Variants in TMEM117 observed in about 807,000 individuals in gnomAD.
TMEM117 encodes transmembrane protein 117.
In TMEM117, 27 loss-of-function variants were observed where a neutral mutation model predicts 52.4. The observed-to-expected ratio is 0.51, with a 90% CI of 0.38 to 0.71. TMEM117 has a LOEUF of 0.71. Among genes scored for constraint, TMEM117 ranks in the 30% least tolerant of loss-of-function variants. The pLI, the probability that TMEM117 is intolerant of heterozygous loss-of-function variation, is 0.00. For missense variants in TMEM117, 556 were observed against 630.5 expected, an observed-to-expected ratio of 0.88 and a Z score of 1.26; for synonymous variants, 215 against 206.3, an observed-to-expected ratio of 1.04 and a Z score of -0.36.
chr12:44,102,060 A>T (rs531878130), intron 3 of TMEM117, among the ~76,000 whole-genome samples: 1 of 152,188 alleles, frequency 6.6e-6, no homozygotes, highest in South Asian at 2.1e-4. Flanking sequence ...ACCGATAAAG[A>T]TAATTAAAAG....
intron 4 of TMEM117, among the ~76,000 whole-genome samples, chr12:44,145,014 A>C (rs1041280383): frequency 6.6e-6 from 1 of 152,022 alleles, no homozygotes; most frequent in Non-Finnish European, 1.5e-5. Context: ...AAAATTAGCC[A>C]GGCGTGGTGG....
At chr12:43,855,371 T>G (rs1943382740) in intron 2 of TMEM117, among the ~76,000 whole-genome samples, 1 of 152,144 alleles carries the variant, frequency 6.6e-6, no homozygotes, top group Non-Finnish European at 1.5e-5. Context: ...CAAGGGATTC[T>G]CCTACCTCAG....
At chr12:44,350,494 TCTAA>T (rs779900408) in intron 6 of TMEM117, among the ~76,000 whole-genome samples, 4 of 152,028 alleles carry the variant, frequency 2.6e-5, no homozygotes, top group Admixed American at 6.6e-5. Context: ...ATTCATTGTT[TCTAA>T]CTATTTTTTG....
At chr12:43,970,094 C>T (rs997054065) in intron 3 of TMEM117, among the ~76,000 whole-genome samples, 2 of 151,936 alleles carry the variant, frequency 1.3e-5, no homozygotes, top group Non-Finnish European at 2.9e-5. Flanking sequence ...TGAATCATCC[C>T]TTTGTTCAGC....
intron 3 of TMEM117, among the ~76,000 whole-genome samples, chr12:44,071,992 T>C (rs1021654918): frequency 6.6e-6 from 1 of 152,212 alleles, no homozygotes; most frequent in Non-Finnish European, 1.5e-5. Context: ...TCAAGAAATA[T>C]TGCTTTAAAT....
intron 4 of TMEM117, among the ~76,000 whole-genome samples, chr12:44,192,385 A>G (rs1390853026): frequency 6.6e-6 from 1 of 152,198 alleles, no homozygotes; most frequent in Non-Finnish European, 1.5e-5. Context: ...AGTATAAGCG[A>G]AGGGAGAAGA....
intron 1 of TMEM117, among the ~76,000 whole-genome samples, chr12:43,841,264 A>G (rs1271455975): frequency 1.3e-5 from 2 of 152,228 alleles, no homozygotes; most frequent in African/African-American, 4.8e-5. Flanking sequence ...TCTTACTGGA[A>G]GAAACACTTC....
chr12:43,828,323 T>C, the TMEM117 span, among the ~76,000 whole-genome samples: 1 of 152,228 alleles, frequency 6.6e-6, no homozygotes, highest in South Asian at 2.1e-4. Context: ...AATGGCATCC[T>C]AAAACTCAGA....
chr12:44,019,621 T>C (rs1016162405), intron 3 of TMEM117, among the ~76,000 whole-genome samples: 5 of 152,238 alleles, frequency 3.3e-5, no homozygotes, highest in Non-Finnish European at 7.3e-5. Context: ...TTATGTAATG[T>C]TATTTCATAA....
chr12:44,208,725 G>GTT (rs5797892), intron 4 of TMEM117, among the ~76,000 whole-genome samples: 1,061 of 68,814 alleles, frequency 0.015, 65 homozygotes, highest in East Asian at 0.055. Flanking sequence ...CAGAAAGAAT[G>GTT]TTTTTTTTTT....
At chr12:44,386,316 AT>A (rs1393949240) in intron 7 of TMEM117, among the ~76,000 whole-genome samples, 3 of 152,270 alleles carry the variant, frequency 2.0e-5, no homozygotes, top group Non-Finnish European at 4.4e-5. Context: ...TGAAGATCTC[AT>A]GAGTGGTTTG....
At chr12:44,137,370 G>A (rs1437222302) in intron 3 of TMEM117, among the ~76,000 whole-genome samples, 2 of 152,086 alleles carry the variant, frequency 1.3e-5, no homozygotes, top group Non-Finnish European at 2.9e-5. Flanking sequence ...CATTATAAGT[G>A]TATTATGAAA....
rs183681400 is a variant in TMEM117, at chr12:44,286,458, A to G, written c.609-13122A>G. Among the ~76,000 whole-genome samples the G allele has an allele frequency of 1.6e-3, 248 of 152,238 alleles. 2 individuals are homozygous for G. Among genetic ancestry groups the G allele is most frequent in the African/African-American group, 5.8e-3 (240 of 41,556 alleles). On this transcript the variant is annotated intron_variant, in intron 5 of 7. Transcript: ENST00000266534. ...CATTTTTGCTACCAGTTTAATGAAA[A>G]TTAAATTGCATGATAGTTAACCACC...
intron 5 of TMEM117, among the ~76,000 whole-genome samples, chr12:44,261,032 T>G (rs1257888147): frequency 1.3e-5 from 2 of 152,232 alleles, no homozygotes; most frequent in Non-Finnish European, 2.9e-5. Flanking sequence ...TCCAATTATG[T>G]CTTGGATTTT....
At chr12:44,057,065 C>A (rs2137942845) in intron 3 of TMEM117, among the ~76,000 whole-genome samples, 1 of 152,302 alleles carries the variant, frequency 6.6e-6, no homozygotes, top group South Asian at 2.1e-4. Flanking sequence ...CGGAAAGAAA[C>A]TGCCTTAAAT....
intron 3 of TMEM117, among the ~76,000 whole-genome samples, chr12:44,138,490 G>C (rs139296774): frequency 2.0e-5 from 3 of 152,260 alleles, no homozygotes; most frequent in African/African-American, 7.2e-5. Flanking sequence ...ATTGATGTAT[G>C]CTGGATGTAT....
At chr12:44,356,409 C>T (rs1951649055) in intron 6 of TMEM117, among the ~76,000 whole-genome samples, 1 of 152,044 alleles carries the variant, frequency 6.6e-6, no homozygotes, top group South Asian at 2.1e-4. Context: ...ATGGAATTAA[C>T]AGAATAAGAG....
At chr12:44,263,295 C>T (rs1265168186) in intron 5 of TMEM117, among the ~76,000 whole-genome samples, 2 of 152,126 alleles carry the variant, frequency 1.3e-5, no homozygotes, top group Non-Finnish European at 2.9e-5. Context: ...ATCAAAACCA[C>T]AATGAGATAC....
chr12:43,973,025 CATA>C (rs978823496), intron 3 of TMEM117, among the ~76,000 whole-genome samples: 2 of 152,108 alleles, frequency 1.3e-5, no homozygotes, highest in Admixed American at 6.6e-5. Context: ...TCAAAGCTCT[CATA>C]ATATGAAGTA....
Sources: allele counts gnomAD v4.1 joint callset (sites outside exome capture counted in the v4.1 genomes callset), GRCh38; gene constraint gnomAD v4.1.1; transcripts MANE v1.5; gene names NCBI Gene and HGNC (gene_info 2026-07-23, HGNC 2026-07-21).